The following LDLRAD3 variants were observed in gnomAD, a reference collection of about 807,000 sequenced individuals.
LDLRAD3 encodes low-density lipoprotein receptor class A domain-containing protein 3.
LDLRAD3 carries 20 observed loss-of-function variants against 29.4 expected under a neutral mutation model. The observed-to-expected ratio is 0.68, with a 90% CI of 0.48 to 0.99. LDLRAD3 has a LOEUF of 0.99. Ranked by LOEUF, LDLRAD3 falls within the 50% of genes least tolerant of loss-of-function variation. The probability of loss-of-function intolerance (pLI) is 0.00; values close to 1 mark genes in which losing one functional copy is unlikely to be tolerated. For synonymous variants in LDLRAD3, 157 were observed against 192.7 expected, an observed-to-expected ratio of 0.81 and a Z score of 1.53; for missense variants, 420 against 454.3, an observed-to-expected ratio of 0.92 and a Z score of 0.69.
intron 4 of LDLRAD3, among the ~76,000 whole-genome samples, chr11:36,144,127 C>T (rs1239139745): frequency 3.9e-5 from 6 of 152,012 alleles, no homozygotes; most frequent in East Asian, 3.9e-4. Context: ...GACGGGGTTT[C>T]GCTGTGTTGG....
At chr11:36,029,478 A>G (rs1004753075) in intron 1 of LDLRAD3, among the ~76,000 whole-genome samples, 1 of 151,966 alleles carries the variant, frequency 6.6e-6, no homozygotes, top group Non-Finnish European at 1.5e-5. Context: ...CAGACCCCCA[A>G]ACTGTGGACT....
intron 1 of LDLRAD3, among the ~76,000 whole-genome samples, chr11:36,026,861 C>A (rs1284825792): frequency 6.6e-6 from 1 of 152,212 alleles, no homozygotes; most frequent in Non-Finnish European, 1.5e-5. Context: ...TATGAATAAT[C>A]CACCCTGTGT....
At chr11:36,169,694 A>G (rs1198553923) in intron 4 of LDLRAD3, among the ~76,000 whole-genome samples, 2 of 152,126 alleles carry the variant, frequency 1.3e-5, no homozygotes, top group Non-Finnish European at 2.9e-5. Context: ...TTCTTTATCT[A>G]TTCATCCATT....
At chr11:36,214,931 G>T (rs917773800) in intron 4 of LDLRAD3, among the ~76,000 whole-genome samples, 1 of 152,204 alleles carries the variant, frequency 6.6e-6, no homozygotes. Flanking sequence ...GCAGAATTCA[G>T]TTCTGCCCTC....
intron 1 of LDLRAD3, among the ~76,000 whole-genome samples, chr11:36,030,027 C>T (rs1234813094): frequency 6.6e-6 from 1 of 152,214 alleles, no homozygotes; most frequent in Non-Finnish European, 1.5e-5. Context: ...TATACCTTCT[C>T]ACCAATTTCC....
chr11:35,991,394 T>A (rs1189106797), intron 1 of LDLRAD3, among the ~76,000 whole-genome samples: 1 of 152,162 alleles, frequency 6.6e-6, no homozygotes, highest in Non-Finnish European at 1.5e-5. Context: ...ACTCTAAATG[T>A]CTTACCTCCA....
chr11:36,080,020 T>C (rs1324065925), intron 2 of LDLRAD3, among the ~76,000 whole-genome samples: 2 of 152,192 alleles, frequency 1.3e-5, no homozygotes, highest in African/African-American at 2.4e-5. Context: ...GCCACATGGG[T>C]TTTTGAAACC....
intron 2 of LDLRAD3, among the ~76,000 whole-genome samples, chr11:36,052,549 T>A (rs929363836): frequency 2.6e-5 from 4 of 152,212 alleles, no homozygotes; most frequent in African/African-American, 9.7e-5. Context: ...TGGGAGGCAG[T>A]GTGTGGAGTG....
At chr11:36,226,066 CAAATAAAT>C (rs3081279) in intron 4 of LDLRAD3, among the ~76,000 whole-genome samples, 8,541 of 148,008 alleles carry the variant, frequency 0.058, 762 homozygotes, top group African/African-American at 0.19. Context: ...GACCCTGTCT[CAAATAAAT>C]AAATAAATAA....
intron 1 of LDLRAD3, chr11:35,968,254 G>C: frequency 2.5e-6 from 1 of 395,020 alleles, no homozygotes; most frequent in Non-Finnish European, 4.9e-6. Context: ...GTATTGACCA[G>C]AGCCAGTGAG....
chr11:36,223,988 T>C (rs1477606985), intron 4 of LDLRAD3, among the ~76,000 whole-genome samples: 1 of 151,722 alleles, frequency 6.6e-6, no homozygotes, highest in East Asian at 1.9e-4. Flanking sequence ...GTTAATAATG[T>C]GTATGAATGT....
At chr11:36,028,996 G>A (rs965762662) in intron 1 of LDLRAD3, among the ~76,000 whole-genome samples, 4 of 152,306 alleles carry the variant, frequency 2.6e-5, no homozygotes, top group African/African-American at 9.6e-5. Flanking sequence ...TGTAATCCAA[G>A]CACTTTGGGA....
Position 36,191,684 on chromosome 11 carries a change from G to C in LDLRAD3, c.455-35401G>C, listed in dbSNP as rs545697276. ...TACTTAATGTATTTGAATTCGTTGA[G>C]AAGAGATTTATGAATCTGGGAAAGA... On this transcript the variant is annotated intron_variant, in intron 4 of 5. Coordinates refer to ENST00000315571, the MANE Select transcript of LDLRAD3 (RefSeq NM_174902.4). 2.7e-4 allele frequency among the ~76,000 whole-genome samples: 41 copies of C among 150,994 alleles called. No individual in the cohort carries two copies. The South Asian group carries it at 3.2e-3, about 12-fold the overall frequency.
chr11:36,146,773 C>CTTTTATTTTATTTTATTTTAT, intron 4 of LDLRAD3, among the ~76,000 whole-genome samples: 1 of 143,742 alleles, frequency 7.0e-6, no homozygotes, highest in East Asian at 2.0e-4. Context: ...TTTCCCTCTA[C>CTTTTATTTTATTTTATTTTAT]TTTATTTTAT....
intron 1 of LDLRAD3, among the ~76,000 whole-genome samples, chr11:36,012,491 C>T (rs262401): frequency 0.49 from 74,923 of 152,008 alleles, 20,025 homozygotes; most frequent in Non-Finnish European, 0.61. Context: ...ACCAGCATCA[C>T]TCTTCTTGTG....
At chr11:36,064,022 A>G (rs1330678597) in intron 2 of LDLRAD3, among the ~76,000 whole-genome samples, 1 of 152,158 alleles carries the variant, frequency 6.6e-6, no homozygotes, top group Non-Finnish European at 1.5e-5. Flanking sequence ...ATCTTACCCA[A>G]TTTTAAGTCT....
At chr11:36,098,571 T>G in intron 4 of LDLRAD3, 110 bp downstream of exon 4, 20 of 1,295,230 alleles carry the variant, frequency 1.5e-5, no homozygotes, top group African/African-American at 3.0e-5. Context: ...ACAATAGCTC[T>G]GTTAGTTTTT....
chr11:36,144,218 C>T (rs1854134357), intron 4 of LDLRAD3, among the ~76,000 whole-genome samples: 2 of 151,934 alleles, frequency 1.3e-5, no homozygotes, highest in African/African-American at 2.4e-5. Flanking sequence ...GACAGAGTTG[C>T]GTTCACTCAG....
chr11:35,961,334 T>C (rs992401779), intron 1 of LDLRAD3, among the ~76,000 whole-genome samples: 11 of 152,222 alleles, frequency 7.2e-5, no homozygotes, highest in African/African-American at 2.7e-4. Context: ...GGGAGAGTGA[T>C]GGTTCAGAAG....
Sources: gnomAD v4.1 joint callset for allele counts (sites outside exome capture counted in the v4.1 genomes callset) on GRCh38, gnomAD v4.1.1 for gene constraint, MANE v1.5 for transcripts, NCBI Gene and HGNC (gene_info 2026-07-23, HGNC 2026-07-21) for gene names.